Variants in PCDHA9 observed in about 807,000 individuals in gnomAD.
The protein encoded by PCDHA9 is protocadherin alpha-9.
A neutral mutation model predicts 62.0 loss-of-function variants in PCDHA9; 62 were observed. The observed-to-expected ratio is 1.00, with a 90% CI of 0.81 to 1.23. The LOEUF (loss-of-function observed/expected upper bound fraction) is 1.23, where lower values mean the gene tolerates loss of function less well. PCDHA9 is among the 50% of genes most tolerant of loss of function. The pLI, the probability that PCDHA9 is intolerant of heterozygous loss-of-function variation, is 0.00. For missense variants in PCDHA9, 1,205 were observed against 1,249.8 expected (o/e 0.96, Z 0.54); for synonymous variants, 557 against 567.6 (o/e 0.98, Z 0.27).
chr5:140,976,691 C>T (rs1219355793), intron 1 of PCDHA9, among the ~76,000 whole-genome samples: 1 of 152,126 alleles, frequency 6.6e-6, no homozygotes, highest in Non-Finnish European at 1.5e-5. Context: ...AATTTAAGTA[C>T]AATAATGTTG....
At chr5:140,883,511 C>A in intron 1 of PCDHA9, 2 of 1,614,186 alleles carry the variant, frequency 1.2e-6, no homozygotes, top group Middle Eastern at 1.7e-4. Context: ...CGCCCTGGAC[C>A]GCGAGAGCGT....
intron 1 of PCDHA9, among the ~76,000 whole-genome samples, chr5:140,923,593 A>G (rs2081438423): frequency 6.6e-6 from 1 of 152,246 alleles, no homozygotes. Flanking sequence ...TTGTTAATTC[A>G]TAATTTTAAT....
intron 1 of PCDHA9, among the ~76,000 whole-genome samples, chr5:140,906,294 T>C (rs1554192469): frequency 1.3e-5 from 2 of 152,278 alleles, no homozygotes; most frequent in East Asian, 3.9e-4. Flanking sequence ...AAGACAATAA[T>C]AAGGTCATAA....
chr5:140,872,356 G>C (rs2053615726), intron 1 of PCDHA9, among the ~76,000 whole-genome samples: 1 of 152,160 alleles, frequency 6.6e-6, no homozygotes, highest in African/African-American at 2.4e-5. Flanking sequence ...GCCAGGCAAA[G>C]TGGTTCAGGC....
chr5:140,892,180 T>G (rs1176959692), intron 1 of PCDHA9, among the ~76,000 whole-genome samples: 1 of 152,224 alleles, frequency 6.6e-6, no homozygotes, highest in Non-Finnish European at 1.5e-5. Flanking sequence ...GGGATCCTCA[T>G]GGGTCTATTC....
At chr5:141,002,759 G>A (rs1312107218) in intron 3 of PCDHA9, among the ~76,000 whole-genome samples, 1 of 152,214 alleles carries the variant, frequency 6.6e-6, no homozygotes, top group Non-Finnish European at 1.5e-5. Flanking sequence ...ACCCTGTGAT[G>A]TAGACAGGAA....
At chr5:140,974,083 T>C (rs1345131685) in intron 1 of PCDHA9, among the ~76,000 whole-genome samples, 1 of 152,236 alleles carries the variant, frequency 6.6e-6, no homozygotes, top group Non-Finnish European at 1.5e-5. Flanking sequence ...AACCATGACT[T>C]CAAAAATCAA....
chr5:140,850,082 G>A lies in PCDHA9; in HGVS notation c.1587G>A (p.Glu529=). The change falls in exon 1 of 4, where the codon GAG becomes GAA. Residue 529 remains glutamate, a synonymous_variant. Coordinates refer to ENST00000532602, the MANE Select transcript of PCDHA9 (RefSeq NM_031857.2). ...ALQPLDHEEL[E]LLQFQVSARD... ...AGCCGTTGGACCACGAGGAGCTGGA[G>A]CTGCTACAGTTCCAGGTGAGCGCGC... 2 of 1,596,634 alleles carry A rather than the reference G, an allele frequency of 1.3e-6. 1 individual carries two copies. Among genetic ancestry groups the A allele is most frequent in the Non-Finnish European group, 1.7e-6 (2 of 1,167,856 alleles).
chr5:140,991,149 C>T (rs2097435018), intron 3 of PCDHA9, among the ~76,000 whole-genome samples: 1 of 152,092 alleles, frequency 6.6e-6, no homozygotes, highest in South Asian at 2.1e-4. Flanking sequence ...GTTTTTTGCT[C>T]ACCATTGTAT....
At chr5:140,868,818 T>TG (rs1170928689) in intron 1 of PCDHA9, 2 of 385,940 alleles carry the variant, frequency 5.2e-6, no homozygotes, top group Non-Finnish European at 9.1e-6. Flanking sequence ...TGGAAATATT[T>TG]GGGGGAAGAA....
chr5:140,969,028 A>G (rs1554231371), intron 1 of PCDHA9: 1 of 1,614,208 alleles, frequency 6.2e-7, no homozygotes, highest in Non-Finnish European at 8.5e-7. Context: ...GGTCCCCTGC[A>G]GAACTGTACA....
chr5:140,871,290 C>A (rs1554165387), intron 1 of PCDHA9: 2 of 1,613,900 alleles, frequency 1.2e-6, no homozygotes, highest in Non-Finnish European at 1.7e-6. Context: ...CCACTGAGGG[C>A]GCGTGCGCGC....
At chr5:140,850,932 C>T in intron 1 of PCDHA9, 43 bp downstream of exon 1, 1 of 1,514,290 alleles carries the variant, frequency 6.6e-7, no homozygotes, top group Non-Finnish European at 8.9e-7. Flanking sequence ...AATTTTTTTT[C>T]TTGAAAGATA....
At chr5:140,950,358 G>A (rs1474217490) in intron 1 of PCDHA9, among the ~76,000 whole-genome samples, 3 of 151,864 alleles carry the variant, frequency 2.0e-5, no homozygotes, top group Admixed American at 1.3e-4. Context: ...TCCTTTATCT[G>A]AAGATCTATT....
intron 3 of PCDHA9, among the ~76,000 whole-genome samples, chr5:140,992,330 C>A (rs1240004004): frequency 6.6e-6 from 1 of 152,070 alleles, no homozygotes. Context: ...TTTCTAAGAG[C>A]AAAGATGGAA....
At chr5:140,881,563 T>C (rs894982822) in intron 1 of PCDHA9, among the ~76,000 whole-genome samples, 4 of 152,232 alleles carry the variant, frequency 2.6e-5, no homozygotes, top group Non-Finnish European at 5.9e-5. Flanking sequence ...AAATATCTTA[T>C]CTACATCTCA....
chr5:140,995,581 G>A (rs1268400169), intron 3 of PCDHA9, among the ~76,000 whole-genome samples: 6 of 152,292 alleles, frequency 3.9e-5, no homozygotes, highest in Admixed American at 2.0e-4. Context: ...TGAGCTATGA[G>A]CTTTTAACTT....
chr5:140,938,599 C>T (rs1554212246), intron 1 of PCDHA9, among the ~76,000 whole-genome samples: 1 of 152,048 alleles, frequency 6.6e-6, no homozygotes, highest in African/African-American at 2.4e-5. Flanking sequence ...ATAAACCAAT[C>T]TTGCATTCTT....
chr5:140,923,247 T>G (rs1230824523), intron 1 of PCDHA9, among the ~76,000 whole-genome samples: 6 of 152,252 alleles, frequency 3.9e-5, no homozygotes, highest in African/African-American at 1.4e-4. Flanking sequence ...TGAGACCAGC[T>G]GGGCAACATA....
Sources: gnomAD v4.1 joint callset for allele counts (sites outside exome capture counted in the v4.1 genomes callset) on GRCh38, gnomAD v4.1.1 for gene constraint, MANE v1.5 for transcripts, NCBI Gene and HGNC (gene_info 2026-07-23, HGNC 2026-07-21) for gene names.